The following SLCO3A1 variants were observed in gnomAD, a reference collection of about 807,000 sequenced individuals.
SLCO3A1 encodes the protein PGE1 transporter.
Under a neutral mutation model 63.1 loss-of-function variants are expected in SLCO3A1, and 27 were observed. That is an observed-to-expected ratio of 0.43 (90% CI 0.32 to 0.59). SLCO3A1 has a LOEUF of 0.59. SLCO3A1 is among the 20% of genes least tolerant of loss of function. The probability of loss-of-function intolerance (pLI) is 0.09; values close to 1 mark genes in which losing one functional copy is unlikely to be tolerated. For missense variants in SLCO3A1, 773 were observed against 945.8 expected, an observed-to-expected ratio of 0.82 and a Z score of 2.40; for synonymous variants, 473 against 409.9, an observed-to-expected ratio of 1.15 and a Z score of -1.86.
At chr15:91,861,608 A>T (rs1423331352) in intron 1 of SLCO3A1, among the ~76,000 whole-genome samples, 2 of 152,192 alleles carry the variant, frequency 1.3e-5, no homozygotes, top group Admixed American at 1.3e-4. Flanking sequence ...AGCAAAAAGT[A>T]ACATAGGCTG....
intron 1 of SLCO3A1, among the ~76,000 whole-genome samples, chr15:91,914,132 T>G (rs1030121538): frequency 1.3e-5 from 2 of 152,340 alleles, no homozygotes; most frequent in Admixed American, 6.5e-5. Context: ...GGTAGCACTC[T>G]TATCCCCCTT....
Position 91,865,684 on chromosome 15 carries a change from G to A in SLCO3A1, c.180+11596G>A, listed in dbSNP as rs1385888053. On this transcript the variant is annotated intron_variant, in intron 1 of 9. Transcript: ENST00000318445. This position sits in a 1 kb window ranked among gnomAD's most constrained non-coding sequence, Gnocchi z 4.6. ...TTTGCTGTCACATGGTGTTTCCCCC[G>A]CGTCTCTCTCTCTTCTTCTTCTAAG... Among the ~76,000 whole-genome samples, 7 of 152,222 alleles carry A rather than the reference G, an allele frequency of 4.6e-5. No individual in the cohort carries two copies. In the South Asian group the frequency reaches 1.2e-3, roughly 27 times the overall value.
At chr15:91,987,035 C>T (rs1327756703) in intron 2 of SLCO3A1, among the ~76,000 whole-genome samples, 1 of 152,122 alleles carries the variant, frequency 6.6e-6, no homozygotes. Context: ...ATTTCTTACT[C>T]ATCTTTGGGG....
intron 2 of SLCO3A1, among the ~76,000 whole-genome samples, chr15:91,987,523 C>A (rs1175563301): frequency 6.6e-6 from 1 of 152,026 alleles, no homozygotes; most frequent in Non-Finnish European, 1.5e-5. Flanking sequence ...AGGTGGATCA[C>A]CTGAGGTCAG....
At chr15:92,142,730 G>C (rs908219554) in intron 7 of SLCO3A1, among the ~76,000 whole-genome samples, 6 of 152,148 alleles carry the variant, frequency 3.9e-5, no homozygotes, top group Non-Finnish European at 7.4e-5. Flanking sequence ...GGATGGGGCT[G>C]TGCAGGCACC....
chr15:91,975,549 T>G (rs942259407), intron 2 of SLCO3A1, among the ~76,000 whole-genome samples: 2 of 152,192 alleles, frequency 1.3e-5, no homozygotes, highest in African/African-American at 4.8e-5. Context: ...AAATGTTGGG[T>G]TCAGCCTAGG....
chr15:91,938,302 G>T (rs935444794), intron 2 of SLCO3A1, among the ~76,000 whole-genome samples: 5 of 151,670 alleles, frequency 3.3e-5, no homozygotes, highest in Non-Finnish European at 7.3e-5. Context: ...CTTAGTAAGT[G>T]TTAGTTTCCT....
At chr15:91,953,679 A>G (rs1416980833) in intron 2 of SLCO3A1, among the ~76,000 whole-genome samples, 2 of 151,688 alleles carry the variant, frequency 1.3e-5, no homozygotes, top group East Asian at 3.9e-4. Context: ...GGAATTTCCC[A>G]CCTCTGTTTA....
Position 91,967,610 on chromosome 15 carries a change from C to T in SLCO3A1, c.646+51152C>T, listed in dbSNP as rs1054320515. Among the ~76,000 whole-genome samples, 1 of 152,206 alleles carries T rather than the reference C, an allele frequency of 6.6e-6. No homozygotes were observed. Among genetic ancestry groups the T allele is most frequent in the Non-Finnish European group, 1.5e-5 (1 of 68,042 alleles). On this transcript the variant is annotated intron_variant, in intron 2 of 9. Coordinates refer to ENST00000318445, the MANE Select transcript of SLCO3A1 (RefSeq NM_013272.4). This position sits in a 1 kb window ranked among gnomAD's most constrained non-coding sequence, Gnocchi z 4.4. ...AAGACACCTATTACACAGATAATCC[C>T]ATATGAAATAAATTAAACCCGTTTT...
intron 2 of SLCO3A1, among the ~76,000 whole-genome samples, chr15:91,995,913 T>G (rs1271880721): frequency 6.6e-6 from 1 of 152,126 alleles, no homozygotes; most frequent in Non-Finnish European, 1.5e-5. Context: ...ACAAAAATAT[T>G]CAAGAACCAA....
rs61238614 is a variant in SLCO3A1, at chr15:92,028,908, AGTGTGT to A, written c.647-65942_647-65937del. Among the ~76,000 whole-genome samples the A allele has an allele frequency of 7.8e-4, 94 of 120,122 alleles. 2 individuals are homozygous for A. Among genetic ancestry groups the A allele is most frequent in the Middle Eastern group, 4.1e-3 (1 of 242 alleles). The allele number at this position is 120,122 out of a possible 152,430, so 78.8% of individuals were successfully genotyped here. ...CGTTCTTGTTTCAGCTGCAGGCACA[AGTGTGT>A]GTGTGTGTGTGTGTGTGTGTGTGTG... is the stretch of plus-strand genomic sequence containing the variant. On this transcript the variant is annotated intron_variant, in intron 2 of 9. Coordinates refer to ENST00000318445, the MANE Select transcript of SLCO3A1 (RefSeq NM_013272.4).
At chr15:91,978,050 T>C (rs1901186831) in intron 2 of SLCO3A1, among the ~76,000 whole-genome samples, 1 of 152,206 alleles carries the variant, frequency 6.6e-6, no homozygotes, top group African/African-American at 2.4e-5. Context: ...CAGATAATTT[T>C]CCAAACAAAA....
At chr15:91,993,542 C>A (rs2046153149) in intron 2 of SLCO3A1, among the ~76,000 whole-genome samples, 1 of 152,128 alleles carries the variant, frequency 6.6e-6, no homozygotes, top group Non-Finnish European at 1.5e-5. Context: ...TCCACACATC[C>A]ATTCTTCAGA....
At chr15:91,914,803 C>T (rs1240218169) in intron 1 of SLCO3A1, among the ~76,000 whole-genome samples, 1 of 152,110 alleles carries the variant, frequency 6.6e-6, no homozygotes, top group Non-Finnish European at 1.5e-5. Flanking sequence ...AACTCCTGGC[C>T]TCAAGTGACC....
chr15:91,965,484 T>A (rs1413212028), intron 2 of SLCO3A1, among the ~76,000 whole-genome samples: 1 of 152,184 alleles, frequency 6.6e-6, no homozygotes, highest in Non-Finnish European at 1.5e-5. Context: ...TCTAAAAATA[T>A]CCTTCATTGA....
intron 2 of SLCO3A1, among the ~76,000 whole-genome samples, chr15:92,090,072 T>C (rs2047453072): frequency 2.0e-5 from 3 of 152,224 alleles, no homozygotes; most frequent in Non-Finnish European, 2.9e-5. Flanking sequence ...CGCTTACTAA[T>C]GGGATGTGTG....
In SLCO3A1 at chr15:92,108,434, G is replaced by A. The variant is rs369550991; in HGVS notation, c.1009+3892G>A. 1.6e-3 allele frequency among the ~76,000 whole-genome samples: 248 copies of A among 152,264 alleles called. 4 individuals are homozygous for A. Among genetic ancestry groups the A allele is most frequent in the African/African-American group, 5.7e-3 (235 of 41,548 alleles). On this transcript the variant is annotated intron_variant, in intron 4 of 9. Coordinates refer to ENST00000318445, the MANE Select transcript of SLCO3A1 (RefSeq NM_013272.4). The stretch of plus-strand genomic sequence containing the variant: ...CCTCCCCTTTCCTACATGGTAAGCC[G>A]TGTGTGGGCAAGACTGCACCTAGTG...
intron 2 of SLCO3A1, among the ~76,000 whole-genome samples, chr15:91,978,335 T>C (rs1901197568): frequency 6.6e-6 from 1 of 152,226 alleles, no homozygotes; most frequent in Non-Finnish European, 1.5e-5. Flanking sequence ...ACTAAGCTCT[T>C]TTACTCTTCA....
At chr15:92,071,645 C>T (rs576320818) in intron 2 of SLCO3A1, among the ~76,000 whole-genome samples, 18 of 152,284 alleles carry the variant, frequency 1.2e-4, no homozygotes, top group South Asian at 2.1e-4. Flanking sequence ...TAGGAGGGAA[C>T]GCAGGCCACT....
Sources: gnomAD v4.1 joint callset for allele counts (sites outside exome capture counted in the v4.1 genomes callset) on GRCh38, gnomAD v4.1.1 for gene constraint, Gnocchi (gnomAD v3.1) non-coding constraint, MANE v1.5 for transcripts, NCBI Gene and HGNC (gene_info 2026-07-23, HGNC 2026-07-21) for gene names.